Variants in CASTOR2 observed in about 807,000 individuals in gnomAD.
CASTOR2 encodes the protein GATS protein like 2.
A neutral mutation model predicts 31.2 loss-of-function variants in CASTOR2; 8 were observed. The ratio of observed to expected loss-of-function variants is 0.26; its 90% CI spans 0.15 to 0.46. The LOEUF (loss-of-function observed/expected upper bound fraction) is 0.46, where lower values mean the gene tolerates loss of function less well. Among genes scored for constraint, CASTOR2 ranks in the 20% least tolerant of loss-of-function variants. The probability of loss-of-function intolerance (pLI) is 0.99; values close to 1 mark genes in which losing one functional copy is unlikely to be tolerated. For synonymous variants in CASTOR2, 162 were observed against 158.7 expected, an observed-to-expected ratio of 1.02 and a Z score of -0.16; for missense variants, 216 against 382.1, an observed-to-expected ratio of 0.57 and a Z score of 3.62.
In CASTOR2 at chr7:75,024,728, C is replaced by CGCCCGGGCCCA; in HGVS notation, c.*34_*44dup. The CGCCCGGGCCCA allele has an allele frequency of 6.4e-7, 1 of 1,551,560 alleles. No homozygotes were observed. Among genetic ancestry groups the CGCCCGGGCCCA allele is most frequent in the African/African-American group, 1.4e-5 (1 of 73,166 alleles). On this transcript the variant is annotated 3_prime_UTR_variant, in exon 9 of 9. Transcript: ENST00000616305. ...GGTCTCTTCTGCTCCTCCCTGCCGC[C>CGCCCGGGCCCA]GCCCGGGCCCAGCCCTAACCCTGAA...
intron 2 of CASTOR2, among the ~76,000 whole-genome samples, chr7:75,012,212 TG>T (rs1368817992): frequency 6.6e-6 from 1 of 152,120 alleles, no homozygotes; most frequent in East Asian, 1.9e-4. Flanking sequence ...TGGCAGGATT[TG>T]GGGTGGGCCT....
chr7:75,005,244 C>T (rs1804581705), intron 1 of CASTOR2, among the ~76,000 whole-genome samples: 1 of 152,112 alleles, frequency 6.6e-6, no homozygotes, highest in African/African-American at 2.4e-5. Flanking sequence ...TTCCCAGTGC[C>T]CCTCTCTAGT....
At chr7:75,024,047 G>A (rs1805067910) in intron 7 of CASTOR2, among the ~76,000 whole-genome samples, 1 of 152,128 alleles carries the variant, frequency 6.6e-6, no homozygotes, top group African/African-American at 2.4e-5. Flanking sequence ...CAGCACTTTG[G>A]GATGTGGAGG....
rs1284481677 is a variant in CASTOR2, at chr7:75,026,547, G to A, written c.*1848G>A. Among the ~76,000 whole-genome samples, 2 of 152,112 alleles carry A rather than the reference G, an allele frequency of 1.3e-5. No individual in the cohort carries two copies. Among genetic ancestry groups the A allele is most frequent in the Non-Finnish European group, 1.5e-5 (1 of 68,038 alleles). ...GGATATTTTCTAGTCCTGACAAAGTGTTCCCTGCTTCTCTGAGTGGGACCC... is the reference window on the plus strand; with the variant it reads ...GGATATTTTCTAGTCCTGACAAAGTATTCCCTGCTTCTCTGAGTGGGACCC... On this transcript the variant is annotated 3_prime_UTR_variant, in exon 9 of 9. Coordinates refer to ENST00000616305, the MANE Select transcript of CASTOR2 (RefSeq NM_001145064.3).
chr7:75,016,869 AT>A (rs1483166468), intron 2 of CASTOR2, among the ~76,000 whole-genome samples: 3 of 152,188 alleles, frequency 2.0e-5, no homozygotes, highest in Non-Finnish European at 4.4e-5. Flanking sequence ...TTTGATTCAA[AT>A]CCCATCCTGT....
At chr7:74,989,392 G>T (rs1804151125) in intron 1 of CASTOR2, among the ~76,000 whole-genome samples, 1 of 151,616 alleles carries the variant, frequency 6.6e-6, no homozygotes, top group Admixed American at 6.6e-5. Flanking sequence ...AAATAGCTGG[G>T]ACTACAGGAG....
At chr7:74,982,308 A>G (rs1364430364) in intron 1 of CASTOR2, among the ~76,000 whole-genome samples, 1 of 144,932 alleles carries the variant, frequency 6.9e-6, no homozygotes, top group Non-Finnish European at 1.5e-5. Context: ...TCTCTGCTTC[A>G]CTCTTCCCCT....
chr7:75,006,148 G>T (rs1401175648), intron 1 of CASTOR2, among the ~76,000 whole-genome samples: 1 of 152,072 alleles, frequency 6.6e-6, no homozygotes, highest in Non-Finnish European at 1.5e-5. Context: ...GCTGGACATG[G>T]TATTGTGTGC....
rs71098023 is a variant in CASTOR2, at chr7:75,028,116, ATTTTTTT to A, written c.*3430_*3436del. 7.9e-7 allele frequency: 1 copy of A among 1,263,826 alleles called. No individual in the cohort carries two copies. Among genetic ancestry groups the A allele is most frequent in the Non-Finnish European group, 1.0e-6 (1 of 959,188 alleles). 78.3% of individuals were successfully genotyped at this position (1,263,826 alleles called of 1,614,324 possible). ...GGAAGAGGGCTCTCTATGATGTGGA[ATTTTTTT>A]TTTTTTTTTTTTGAGACGGAGTCTT... On this transcript the variant is annotated 3_prime_UTR_variant, in exon 9 of 9. Coordinates refer to ENST00000616305, the MANE Select transcript of CASTOR2 (RefSeq NM_001145064.3).
At chr7:74,965,914 A>T (rs1363364291) in intron 1 of CASTOR2, among the ~76,000 whole-genome samples, 2 of 30,786 alleles carry the variant, frequency 6.5e-5, no homozygotes, top group Non-Finnish European at 1.2e-4. Flanking sequence ...TCTCTCTCTC[A>T]CTTGGATTTT....
Position 75,027,836 on chromosome 7 carries a change from CG to C in CASTOR2, c.*3141del. 1.5e-6 allele frequency: 1 copy of C among 660,200 alleles called. No individual in the cohort carries two copies. The highest frequency in any genetic ancestry group is 1.7e-5 in the South Asian group (1 of 58,352). 40.9% of individuals were successfully genotyped at this position (660,200 alleles called of 1,614,324 possible). A position where few individuals can be genotyped will look rare whatever the true frequency, so the allele number is the denominator to read the frequency against. ...TCTTGGTTTGGTCTCCACAGCTCTT[CG>C]GGGTGGGGTGTGAGTGTGGTTTTTC... On this transcript the variant is annotated 3_prime_UTR_variant, in exon 9 of 9. Transcript: ENST00000616305.
chr7:74,995,230 T>C (rs1804312658), intron 1 of CASTOR2, among the ~76,000 whole-genome samples: 1 of 151,864 alleles, frequency 6.6e-6, no homozygotes, highest in African/African-American at 2.4e-5. Context: ...ATAAGAAACT[T>C]GATCCTATTT....
At position 75,022,037 on chromosome 7, in the gene CASTOR2, C is replaced by T. The variant is rs1013768916; in HGVS notation, c.829+81C>T. On this transcript the variant is annotated intron_variant, in intron 7 of 8. Transcript: ENST00000616305. The stretch of plus-strand genomic sequence containing the variant: ...TTCACATACGTTGTCCGCAGTGACT[C>T]GGCCCCTGCTGGGGGGTACAGATGG... 1.6e-5 allele frequency: 24 copies of T among 1,499,318 alleles called. 1 individual carries two copies. The highest frequency in any genetic ancestry group is 9.6e-5 in the South Asian group (8 of 82,970). 92.9% of individuals were successfully genotyped at this position (1,499,318 alleles called of 1,614,324 possible). A position where few individuals can be genotyped will look rare whatever the true frequency, so the allele number is the denominator to read the frequency against.
intron 1 of CASTOR2, among the ~76,000 whole-genome samples, chr7:74,983,247 GGTGATCAA>G (rs1803987825): frequency 6.9e-6 from 1 of 144,788 alleles, no homozygotes; most frequent in African/African-American, 2.6e-5. Flanking sequence ...CCTGACCTTG[GGTGATCAA>G]CCTGCCTCAG....
In CASTOR2 at chr7:75,027,584, G is replaced by A; in HGVS notation, c.*2885G>A. 1 of 182,958 alleles carries A rather than the reference G, an allele frequency of 5.5e-6. No individual in the cohort carries two copies. Among genetic ancestry groups the A allele is most frequent in the Non-Finnish European group, 1.2e-5 (1 of 86,324 alleles). 11.3% of individuals were successfully genotyped at this position (182,958 alleles called of 1,614,324 possible). A position where few individuals can be genotyped will look rare whatever the true frequency, so the allele number is the denominator to read the frequency against. The stretch of plus-strand genomic sequence containing the variant: ...CTCCTGGGGCTGCTCCTGGGGACTG[G>A]CCTCGTGTCATGGAGAAAAGCATGT... On this transcript the variant is annotated 3_prime_UTR_variant, in exon 9 of 9. Coordinates refer to ENST00000616305, the MANE Select transcript of CASTOR2 (RefSeq NM_001145064.3).
chr7:75,019,243 A>G (rs71539252), intron 5 of CASTOR2, 148 bp downstream of exon 5: 365,303 of 1,406,522 alleles, frequency 0.26, 49,983 homozygotes, highest in Middle Eastern at 0.38. Flanking sequence ...GTCTGAGCAG[A>G]GAGACATGGA....
chr7:75,003,319 T>C (rs1804538123), intron 1 of CASTOR2, among the ~76,000 whole-genome samples: 1 of 151,936 alleles, frequency 6.6e-6, no homozygotes, highest in African/African-American at 2.4e-5. Context: ...GCTTGGGTAA[T>C]GCACGCCTGT....
At position 75,010,479 on chromosome 7, in the gene CASTOR2, G is replaced by A. The variant is rs1249137476; in HGVS notation, c.184+2415G>A. Reference sequence around the variant, plus strand: ...AAGGAGTGAAGTAGGAAATTCCTGGGGGTGAGTAAGCTCTCTTCAAATAGA... The same window carrying A: ...AAGGAGTGAAGTAGGAAATTCCTGGAGGTGAGTAAGCTCTCTTCAAATAGA... On this transcript the variant is annotated intron_variant, in intron 2 of 8. Coordinates refer to ENST00000616305, the MANE Select transcript of CASTOR2 (RefSeq NM_001145064.3). Among the ~76,000 whole-genome samples the A allele has an allele frequency of 6.9e-3, 1,045 of 152,142 alleles. 3 individuals carry two copies. The highest frequency in any genetic ancestry group is 0.012 in the Admixed American group (177 of 15,270).
At chr7:74,987,362 G>GC (rs1563056401) in intron 1 of CASTOR2, among the ~76,000 whole-genome samples, 2 of 150,002 alleles carry the variant, frequency 1.3e-5, no homozygotes, top group African/African-American at 4.9e-5. Flanking sequence ...CCAAGATCAC[G>GC]CCTCCAGCCT....
Sources: allele counts gnomAD v4.1 joint callset (sites outside exome capture counted in the v4.1 genomes callset), GRCh38; gene constraint gnomAD v4.1.1; transcripts MANE v1.5; gene names NCBI Gene and HGNC (gene_info 2026-07-23, HGNC 2026-07-21).